Variants in IGSF3 observed in about 807,000 individuals in gnomAD.
IGSF3 encodes the protein immunoglobulin superfamily member 3.
A neutral mutation model predicts 114.4 loss-of-function variants in IGSF3; 23 were observed. The observed-to-expected ratio is 0.20, with a 90% CI of 0.14 to 0.28. The LOEUF (loss-of-function observed/expected upper bound fraction) is 0.28, where lower values mean the gene tolerates loss of function less well. Ranked by LOEUF, IGSF3 falls within the 10% of genes least tolerant of loss-of-function variation. The pLI is 1.00. For missense variants in IGSF3, 1,172 were observed against 1,591.5 expected, an observed-to-expected ratio of 0.74 and a Z score of 4.48; for synonymous variants, 571 against 645.2, an observed-to-expected ratio of 0.88 and a Z score of 1.74.
At chr1:116,663,814 C>T (rs1157095174) in intron 2 of IGSF3, among the ~76,000 whole-genome samples, 1 of 152,132 alleles carries the variant, frequency 6.6e-6, no homozygotes, top group Admixed American at 6.5e-5. Flanking sequence ...AGGCTGGTAC[C>T]TGCATCGGTC....
In IGSF3 at chr1:116,665,472, G is replaced by A. The variant is rs925821667; in HGVS notation, c.43+812C>T. On this transcript the variant is annotated intron_variant, in intron 2 of 10. Transcript: ENST00000369486. This position sits in a 1 kb window ranked among gnomAD's most constrained non-coding sequence, Gnocchi z 4.0. ...TAGACCTGAGATGTGTTCTAAGACA[G>A]CACGCTGAAGACAGTGCTCAATGGC... Among the ~76,000 whole-genome samples the A allele has an allele frequency of 6.6e-5, 10 of 152,184 alleles. No individual in the cohort carries two copies. Among genetic ancestry groups the A allele is most frequent in the African/African-American group, 2.2e-4 (9 of 41,442 alleles).
In IGSF3 at chr1:116,596,729, G is replaced by A. The variant is rs751833015; in HGVS notation, c.2029+3212C>T. ...AATAAAATTAGGAACTTGGACTCTG[G>A]AGCCAAACTGCCTGTCTGGACTTGA... On this transcript the variant is annotated intron_variant, in intron 7 of 10. Coordinates refer to ENST00000369486, the MANE Select transcript of IGSF3 (RefSeq NM_001007237.3). The surrounding 1 kb of genome is among the most constrained non-coding windows in gnomAD (Gnocchi z 4.1). Among the ~76,000 whole-genome samples, 63 of 152,270 alleles carry A rather than the reference G, an allele frequency of 4.1e-4. No individual in the cohort carries two copies. The highest frequency in any genetic ancestry group is 8.5e-4 in the Non-Finnish European group (58 of 68,014).
rs764758232 is a variant in IGSF3, at chr1:116,614,154, G to A, written c.443C>T (p.Thr148Ile). 1.9e-6 allele frequency: 3 copies of A among 1,611,076 alleles called. No individual in the cohort carries two copies. The highest frequency in any genetic ancestry group is 8.5e-7 in the Non-Finnish European group (1 of 1,177,984). Residue 148 changes from threonine to isoleucine, a missense_variant, in exon 4 of 11, where the codon ACC (threonine) becomes ATC (isoleucine). Physicochemically the swap from Thr to Ile is moderately conservative, Grantham distance 89 (BLOSUM62 -1). Around this residue, in one of 3 missense-constraint regions of IGSF3, gnomAD observed 736 missense variants for 1,042.0 expected, o/e 0.71. Coordinates refer to ENST00000369486, the MANE Select transcript of IGSF3 (RefSeq NM_001007237.3). The surrounding 1 kb of genome is among the most constrained non-coding windows in gnomAD (Gnocchi z 4.5). ...NLVVIPDSLQTTAMPQTLHRV... is the reference protein window; with the variant it reads ...NLVVIPDSLQITAMPQTLHRV... ...GTGCAGAGTCTGGGGCATGGCAGTG[G>A]TCTGCAGGGAGTCTGGGATCACTGC...
At position 116,579,292 on chromosome 1, in the gene IGSF3, T is replaced by A; in HGVS notation, c.3334+100A>T. ...CCTACTAATAAATGCCCATGACAGT[T>A]AAGAAAACTGTTTATTAACCCATAA... On this transcript the variant is annotated intron_variant, in intron 10 of 10. Coordinates refer to ENST00000369486, the MANE Select transcript of IGSF3 (RefSeq NM_001007237.3). The surrounding 1 kb of genome is among the most constrained non-coding windows in gnomAD (Gnocchi z 6.4). 6.9e-7 allele frequency: 1 copy of A among 1,439,954 alleles called. No homozygotes were observed. The highest frequency in any genetic ancestry group is 1.4e-5 in the South Asian group (1 of 70,720). The allele number at this position is 1,439,954 out of a possible 1,614,324, so 89.2% of individuals were successfully genotyped here.
Position 116,603,575 on chromosome 1 carries a change from T to C in IGSF3, c.1624+49A>G. ...AAAGTCAGGATAAGGTGTTTGACACTGAAGCTGTCTCCATGCCAGACCCAC... is the reference window on the plus strand; with the variant it reads ...AAAGTCAGGATAAGGTGTTTGACACCGAAGCTGTCTCCATGCCAGACCCAC... On this transcript the variant is annotated intron_variant, in intron 6 of 10. Coordinates refer to ENST00000369486, the MANE Select transcript of IGSF3 (RefSeq NM_001007237.3). This position sits in a 1 kb window ranked among gnomAD's most constrained non-coding sequence, Gnocchi z 7.1. The C allele has an allele frequency of 5.7e-6, 9 of 1,568,924 alleles. No homozygotes were observed. The highest frequency in any genetic ancestry group is 7.8e-6 in the Non-Finnish European group (9 of 1,149,710).
At position 116,642,220 on chromosome 1, in the gene IGSF3, T is replaced by C. The variant is rs1181567950; in HGVS notation, c.43+24064A>G. Among the ~76,000 whole-genome samples, 1 of 152,198 alleles carries C rather than the reference T, an allele frequency of 6.6e-6. No homozygotes were observed. Among genetic ancestry groups the C allele is most frequent in the Non-Finnish European group, 1.5e-5 (1 of 68,026 alleles). On this transcript the variant is annotated intron_variant, in intron 2 of 10. Transcript: ENST00000369486. This position sits in a 1 kb window ranked among gnomAD's most constrained non-coding sequence, Gnocchi z 5.4. The stretch of plus-strand genomic sequence containing the variant: ...TGATTTTTGATTTTTAACATGTGCA[T>C]GGATTACCTCTTATTAGAAAAAAAA...
chr1:116,592,683 T>G lies in IGSF3; in HGVS notation c.2030-3579A>C, dbSNP rs959911364. On this transcript the variant is annotated intron_variant, in intron 7 of 10. Transcript: ENST00000369486. The surrounding 1 kb of genome is among the most constrained non-coding windows in gnomAD (Gnocchi z 4.5). Reference sequence around the variant, plus strand: ...CGTGCTCTTCTCACTCAAAACTCATTTATTTCTTCAATAAAGGATTCCCTT... The same window carrying G: ...CGTGCTCTTCTCACTCAAAACTCATGTATTTCTTCAATAAAGGATTCCCTT... Among the ~76,000 whole-genome samples, 1 of 152,182 alleles carries G rather than the reference T, an allele frequency of 6.6e-6. No individual in the cohort carries two copies. The highest frequency in any genetic ancestry group is 2.4e-5 in the African/African-American group (1 of 41,440).
rs150769554 is a variant in IGSF3 at position 116,586,191 on chromosome 1, T to G, written c.2441-1139A>C. Among the ~76,000 whole-genome samples, 357 of 152,358 alleles carry G rather than the reference T, an allele frequency of 2.3e-3. 2 individuals are homozygous for G. The highest frequency in any genetic ancestry group is 8.0e-3 in the African/African-American group (334 of 41,580). On this transcript the variant is annotated intron_variant, in intron 8 of 10. Coordinates refer to ENST00000369486, the MANE Select transcript of IGSF3 (RefSeq NM_001007237.3). ...TCTACACACTTCAATACTGCCTGAA[T>G]GTTTTACAACATTCATGATTACTTT...
At position 116,588,802 on chromosome 1, in the gene IGSF3, C is replaced by T. The variant is rs371078938; in HGVS notation, c.2332G>A (p.Gly778Ser). 6.2e-7 allele frequency: 1 copy of T among 1,614,168 alleles called. No homozygotes were observed. Among genetic ancestry groups the T allele is most frequent in the Non-Finnish European group, 8.5e-7 (1 of 1,180,020 alleles). ...TVQRAEVSDS[G>S]SYYCHVEEWL... ...TCCTCCACGTGGCAGTAGTAGCTGC[C>T]GCTGTCGCTGACCTCGGCTCTCTGG... Residue 778 changes from glycine (G) to serine (S), a missense_variant, in exon 8 of 11, where the codon GGC becomes AGC. Coordinates refer to ENST00000369486, the MANE Select transcript of IGSF3 (RefSeq NM_001007237.3). This position sits in a 1 kb window ranked among gnomAD's most constrained non-coding sequence, Gnocchi z 4.9.
chr1:116,654,289 T>C lies in IGSF3; in HGVS notation c.43+11995A>G, dbSNP rs1175201006. Among the ~76,000 whole-genome samples, 1 of 152,170 alleles carries C rather than the reference T, an allele frequency of 6.6e-6. No homozygotes were observed. The highest frequency in any genetic ancestry group is 1.5e-5 in the Non-Finnish European group (1 of 68,030). ...GGCACCTGCTTTGGCACCTTGGCAA[T>C]TTCCACCAGGCAGAATTTACAACCG... On this transcript the variant is annotated intron_variant, in intron 2 of 10. Transcript: ENST00000369486. The surrounding 1 kb of genome is among the most constrained non-coding windows in gnomAD (Gnocchi z 4.4).
At position 116,598,876 on chromosome 1, in the gene IGSF3, G is replaced by T. The variant is rs565387059; in HGVS notation, c.2029+1065C>A. ...GCTGCATGTACTTAACTCCTCCCAC[G>T]TGTCAGCTGAAGAGCCTGATGAAGG... On this transcript the variant is annotated intron_variant, in intron 7 of 10. Transcript: ENST00000369486. This position sits in a 1 kb window ranked among gnomAD's most constrained non-coding sequence, Gnocchi z 4.3. Among the ~76,000 whole-genome samples, 1 of 152,212 alleles carries T rather than the reference G, an allele frequency of 6.6e-6. No individual in the cohort carries two copies. The highest frequency in any genetic ancestry group is 2.4e-5 in the African/African-American group (1 of 41,448).
chr1:116,659,269 G>C (rs537155485), intron 2 of IGSF3, among the ~76,000 whole-genome samples: 1 of 152,154 alleles, frequency 6.6e-6, no homozygotes, highest in Non-Finnish European at 1.5e-5. Flanking sequence ...TGAAGGTGGA[G>C]TTCAAAAATA....
chr1:116,622,186 T>C (rs1661444833), intron 2 of IGSF3, among the ~76,000 whole-genome samples: 1 of 152,220 alleles, frequency 6.6e-6, no homozygotes, highest in Admixed American at 6.5e-5. Flanking sequence ...TTCAGCACCA[T>C]GCTCCTCCAA....
chr1:116,600,399 C>G lies in IGSF3; in HGVS notation c.1625-54G>C, dbSNP rs536041869. 1.8e-5 allele frequency: 26 copies of G among 1,469,634 alleles called. No homozygotes were observed. In the African/African-American group the frequency reaches 3.1e-4, roughly 17 times the overall value. 91.0% of individuals were successfully genotyped at this position (1,469,634 alleles called of 1,614,324 possible). On this transcript the variant is annotated intron_variant, in intron 6 of 10. Coordinates refer to ENST00000369486, the MANE Select transcript of IGSF3 (RefSeq NM_001007237.3). This position sits in a 1 kb window ranked among gnomAD's most constrained non-coding sequence, Gnocchi z 5.5. The stretch of plus-strand genomic sequence containing the variant: ...GAGGAGGCATGTGGCTTTCTCAGGG[C>G]AGTATGACATCAGCAATGGGGCAGC...
chr1:116,641,495 CAAA>C (rs57930787), intron 2 of IGSF3, among the ~76,000 whole-genome samples: 22 of 40,688 alleles, frequency 5.4e-4, no homozygotes, highest in Non-Finnish European at 7.2e-4. Flanking sequence ...GACTCTGTCT[CAAA>C]AAAAAAAAAA....
rs1236895766 is a variant in IGSF3 at position 116,589,938 on chromosome 1, C to G, written c.2030-834G>C. Among the ~76,000 whole-genome samples the G allele has an allele frequency of 6.6e-6, 1 of 152,180 alleles. No homozygotes were observed. Among genetic ancestry groups the G allele is most frequent in the African/African-American group, 2.4e-5 (1 of 41,424 alleles). On this transcript the variant is annotated intron_variant, in intron 7 of 10. Coordinates refer to ENST00000369486, the MANE Select transcript of IGSF3 (RefSeq NM_001007237.3). This position sits in a 1 kb window ranked among gnomAD's most constrained non-coding sequence, Gnocchi z 5.7. ...CATTCTTATCGCTGCACCCCCAGAG[C>G]CTAGCACAGCACCTGGGCCAGGAAA...
chr1:116,666,296 G>A lies in IGSF3; in HGVS notation c.31C>T (p.Leu11=), dbSNP rs559842275. MKCFFPVLSC[L]AVLGVVSAQR... ...CAGAGCCACTTACCCAGCACAGCCA[G>A]ACAGCTCAGCACCGGGAAAAAGCAC... Residue 11 remains leucine, a synonymous_variant, in exon 2 of 11, where the codon CTG becomes TTG. Transcript: ENST00000369486. 2.5e-6 allele frequency: 4 copies of A among 1,613,964 alleles called. No homozygotes were observed. Among genetic ancestry groups the A allele is most frequent in the Non-Finnish European group, 3.4e-6 (4 of 1,179,994 alleles).
In IGSF3 at chr1:116,579,666, G is replaced by GTCGTCC. The variant is rs781349066; in HGVS notation, c.3059_3060insGGACGA (p.Glu1019_Asp1020insGluAsp). The GTCGTCC allele has an allele frequency of 1.3e-5, 20 of 1,594,050 alleles. No homozygotes were observed. The highest frequency in any genetic ancestry group is 1.6e-5 in the Non-Finnish European group (19 of 1,167,918). On this transcript the variant is annotated inframe_insertion, in exon 10 of 11. Coordinates refer to ENST00000369486, the MANE Select transcript of IGSF3 (RefSeq NM_001007237.3). This position sits in a 1 kb window ranked among gnomAD's most constrained non-coding sequence, Gnocchi z 6.4. ...CTGTTGGGTCGTCGTCGTCGTCGTC[G>GTCGTCC]TCCTCCTCCTCCTCCTCCTCCCTTT...
In IGSF3 at chr1:116,628,393, G is replaced by A. The variant is rs1410307341; in HGVS notation, c.44-11936C>T. On this transcript the variant is annotated intron_variant, in intron 2 of 10. Transcript: ENST00000369486. The surrounding 1 kb of genome is among the most constrained non-coding windows in gnomAD (Gnocchi z 4.2). ...TCCCCAGAAAGCAATCTGACTGGCT[G>A]GGAGACTTTTTTTTTTAACCAGGCC... is the stretch of plus-strand genomic sequence containing the variant. Among the ~76,000 whole-genome samples the A allele has an allele frequency of 9.9e-5, 15 of 152,198 alleles. No homozygotes were observed. The highest frequency in any genetic ancestry group is 2.1e-4 in the South Asian group (1 of 4,832).
Sources: allele counts gnomAD v4.1 joint callset (sites outside exome capture counted in the v4.1 genomes callset), GRCh38; gene constraint gnomAD v4.1.1; regional missense constraint gnomAD v4.1.1; non-coding constraint Gnocchi (gnomAD v3.1); transcripts MANE v1.5; gene names NCBI Gene and HGNC (gene_info 2026-07-23, HGNC 2026-07-21).